PCDH11X: variants seen among roughly 807,000 people sequenced by gnomAD.
PCDH11X encodes protocadherin 11 X-linked, also known as protocadherin-11 X-linked.
PCDH11X carries 18 observed loss-of-function variants against 53.3 expected under a neutral mutation model. The ratio of observed to expected loss-of-function variants is 0.34; its 90% CI spans 0.23 to 0.50. The LOEUF (loss-of-function observed/expected upper bound fraction) is 0.50, where lower values mean the gene tolerates loss of function less well. Ranked by LOEUF, PCDH11X falls within the 20% of genes least tolerant of loss-of-function variation. The pLI, the probability that PCDH11X is intolerant of heterozygous loss-of-function variation, is 0.98. For synonymous variants in PCDH11X, 279 were observed against 393.3 expected, an observed-to-expected ratio of 0.71 and a Z score of 3.44; for missense variants, 570 against 1,032.4, an observed-to-expected ratio of 0.55 and a Z score of 6.14.
chrX:92,440,763 A>C (rs1039462767), intron 9 of PCDH11X, among the ~76,000 whole-genome samples: 18 of 109,753 alleles, frequency 1.6e-4, no homozygotes, highest in Non-Finnish European at 2.8e-4. Context: ...TAATACAGTA[A>C]ATTGGTACCA....
chrX:91,965,458 A>T (rs2061850113), intron 6 of PCDH11X, among the ~76,000 whole-genome samples: 1 of 109,725 alleles, frequency 9.1e-6, no homozygotes, highest in Admixed American at 9.7e-5. Context: ...ATTAGAGGCC[A>T]TGTACATTAG....
intron 10 of PCDH11X, among the ~76,000 whole-genome samples, chrX:92,517,977 C>A (rs1390431617): frequency 2.7e-5 from 3 of 109,979 alleles, no homozygotes; most frequent in African/African-American, 9.8e-5. Context: ...CATTTTCATT[C>A]ACAGGGGCTC....
chrX:92,177,924 G>A (rs1175657691), intron 6 of PCDH11X, among the ~76,000 whole-genome samples: 1 of 110,551 alleles, frequency 9.0e-6, no homozygotes. Context: ...ATATTTGGTA[G>A]TACAGAAGAG....
chrX:92,082,781 GT>G (rs1422515965), intron 6 of PCDH11X, among the ~76,000 whole-genome samples: 1 of 111,725 alleles, frequency 9.0e-6, no homozygotes, highest in Non-Finnish European at 1.9e-5. Flanking sequence ...TCAATTTCAG[GT>G]TGAAAATAGC....
intron 5 of PCDH11X, among the ~76,000 whole-genome samples, chrX:91,839,861 T>C (rs1937457223): frequency 9.0e-6 from 1 of 111,414 alleles, no homozygotes; most frequent in African/African-American, 3.3e-5. Context: ...CTTTTCTCTC[T>C]TTCAAGTAAA....
chrX:92,346,901 A>G (rs1344558104), intron 8 of PCDH11X, among the ~76,000 whole-genome samples: 2 of 111,620 alleles, frequency 1.8e-5, no homozygotes, highest in Admixed American at 1.9e-4. Context: ...AATGTATTAC[A>G]TGGTATCCAG....
At position 92,004,131 on chromosome X, in the gene PCDH11X, G is replaced by A. The variant is rs6618815; in HGVS notation, c.3033+124858G>A. ...AATTTTTGAATTCATTCTTAATTTC[G>A]TCATTGACCAACTGGTCATTCAGCA... is the stretch of plus-strand genomic sequence containing the variant. On this transcript the variant is annotated intron_variant, in intron 6 of 10. Coordinates refer to ENST00000682573, the MANE Select transcript of PCDH11X (RefSeq NM_032968.5). Among the ~76,000 whole-genome samples the A allele has an allele frequency of 2.8e-3, 309 of 111,164 alleles. 3 individuals are homozygous for A. The East Asian group carries it at 0.076, about 27-fold the overall frequency.
intron 8 of PCDH11X, among the ~76,000 whole-genome samples, chrX:92,308,589 G>C (rs1310715191): frequency 1.8e-5 from 2 of 111,069 alleles, no homozygotes; most frequent in African/African-American, 6.6e-5. Context: ...CATTAGATTT[G>C]ATAATGATTT....
intron 10 of PCDH11X, among the ~76,000 whole-genome samples, chrX:92,611,719 G>A (rs1426380260): frequency 1.9e-5 from 2 of 102,642 alleles, no homozygotes; most frequent in Non-Finnish European, 4.0e-5. Flanking sequence ...CTGTGGGTTT[G>A]TCATAGATGA....
intron 8 of PCDH11X, among the ~76,000 whole-genome samples, chrX:92,314,123 T>C (rs896715975): frequency 8.9e-6 from 1 of 112,746 alleles, no homozygotes; most frequent in Non-Finnish European, 1.9e-5. Flanking sequence ...AACTCTTTTG[T>C]AATAACACTT....
At chrX:91,824,546 C>G (rs1255935745) in intron 4 of PCDH11X, among the ~76,000 whole-genome samples, 2 of 109,016 alleles carry the variant, frequency 1.8e-5, no homozygotes, top group East Asian at 5.7e-4. Flanking sequence ...AAGCACTTCT[C>G]TGTATTGGTT....
At chrX:92,075,240 C>T (rs760399115) in intron 6 of PCDH11X, among the ~76,000 whole-genome samples, 54 of 110,444 alleles carry the variant, frequency 4.9e-4, no homozygotes, top group African/African-American at 1.5e-3. Context: ...ATGGTATTTC[C>T]GTAGGTCAGT....
At chrX:92,215,433 C>T (rs761201194) in intron 7 of PCDH11X, among the ~76,000 whole-genome samples, 236 of 97,970 alleles carry the variant, frequency 2.4e-3, no homozygotes, top group East Asian at 5.3e-3. Context: ...CCTATGCCCA[C>T]GGAGTCTCGC....
chrX:91,905,848 G>A (rs1941135142), intron 6 of PCDH11X, among the ~76,000 whole-genome samples: 1 of 110,745 alleles, frequency 9.0e-6, no homozygotes, highest in African/African-American at 3.3e-5. Context: ...GTGCCATGGT[G>A]CCATTCAGAA....
chrX:91,858,255 A>G (rs1420470987), intron 5 of PCDH11X, among the ~76,000 whole-genome samples: 1 of 110,236 alleles, frequency 9.1e-6, no homozygotes, highest in Non-Finnish European at 1.9e-5. Flanking sequence ...CAAAGCAGCA[A>G]GGCCCTGGTC....
chrX:92,255,095 G>C (rs2067543367), intron 7 of PCDH11X, among the ~76,000 whole-genome samples: 1 of 103,074 alleles, frequency 9.7e-6, no homozygotes, highest in African/African-American at 3.6e-5. Flanking sequence ...ACGTAGATTT[G>C]GTCTTTTCAC....
At chrX:92,227,982 TAGAA>T (rs2067001028) in intron 7 of PCDH11X, among the ~76,000 whole-genome samples, 1 of 110,874 alleles carries the variant, frequency 9.0e-6, no homozygotes, top group Non-Finnish European at 1.9e-5. Context: ...TAAAATGAAA[TAGAA>T]ATTCATGGAA....
chrX:91,944,118 A>G (rs1298725300), intron 6 of PCDH11X, among the ~76,000 whole-genome samples: 1 of 88,614 alleles, frequency 1.1e-5, no homozygotes, highest in Non-Finnish European at 2.2e-5. Flanking sequence ...TTAGTATACA[A>G]CTAGATTTCC....
chrX:92,284,655 GC>G (rs1248209936), intron 8 of PCDH11X, among the ~76,000 whole-genome samples: 1 of 112,018 alleles, frequency 8.9e-6, no homozygotes. Flanking sequence ...CTTTTTAGAA[GC>G]TTTTAAGAAA....
Sources: gnomAD v4.1 joint callset for allele counts (sites outside exome capture counted in the v4.1 genomes callset) on GRCh38, gnomAD v4.1.1 for gene constraint, MANE v1.5 for transcripts, NCBI Gene and HGNC (gene_info 2026-07-23, HGNC 2026-07-21) for gene names.